The following CHRNA7 variants were observed in gnomAD, a reference collection of about 807,000 sequenced individuals.
The protein encoded by CHRNA7 is cholinergic receptor nicotinic alpha 7 subunit.
Under a neutral mutation model 48.0 loss-of-function variants are expected in CHRNA7, and 17 were observed. That is an observed-to-expected ratio of 0.35 (90% CI 0.24 to 0.53). The LOEUF is 0.53. CHRNA7 is among the 20% of genes least tolerant of loss of function. The probability of loss-of-function intolerance (pLI) is 0.92; values close to 1 mark genes in which losing one functional copy is unlikely to be tolerated. For synonymous variants in CHRNA7, 75 were observed against 242.3 expected (o/e 0.31, Z 6.41); for missense variants, 155 against 577.7 (o/e 0.27, Z 7.50).
intron 3 of CHRNA7, among the ~76,000 whole-genome samples, chr15:32,106,776 T>C (rs1048302204): frequency 3.3e-5 from 5 of 152,252 alleles, no homozygotes; most frequent in African/African-American, 1.2e-4. Context: ...CCAGCCTTCC[T>C]GGGTCCTTCT....
At chr15:32,042,303 C>A (rs1008893310) in intron 2 of CHRNA7, among the ~76,000 whole-genome samples, 9 of 152,142 alleles carry the variant, frequency 5.9e-5, no homozygotes, top group African/African-American at 2.2e-4. Flanking sequence ...TTCAGTATTT[C>A]CCTTCCCTTG....
At chr15:32,114,061 C>CATATATATATATACAT (rs2050819599) in intron 4 of CHRNA7, among the ~76,000 whole-genome samples, 1 of 120,226 alleles carries the variant, frequency 8.3e-6, no homozygotes, top group African/African-American at 3.3e-5. Flanking sequence ...TATATATATA[C>CATATATATATATACAT]ATATATATAT....
intron 4 of CHRNA7, among the ~76,000 whole-genome samples, chr15:32,114,059 T>TATATATATACAC (rs1187735599): frequency 1.3e-3 from 51 of 38,348 alleles, no homozygotes; most frequent in African/African-American, 2.8e-3. Flanking sequence ...TATATATATA[T>TATATATATACAC]ACATATATAT....
At chr15:32,052,288 CAG>C (rs2049702341) in intron 2 of CHRNA7, among the ~76,000 whole-genome samples, 1 of 151,160 alleles carries the variant, frequency 6.6e-6, no homozygotes, top group African/African-American at 2.4e-5. Context: ...GATAGCAGAA[CAG>C]AAATTCTAAG....
intron 4 of CHRNA7, among the ~76,000 whole-genome samples, chr15:32,123,421 C>T (rs1232594241): frequency 2.0e-5 from 3 of 152,182 alleles, no homozygotes; most frequent in Non-Finnish European, 4.4e-5. Flanking sequence ...GTCGATACCT[C>T]TAATGCAAGA....
intron 2 of CHRNA7, among the ~76,000 whole-genome samples, chr15:32,045,786 T>C (rs2049531734): frequency 6.6e-6 from 1 of 150,526 alleles, no homozygotes; most frequent in South Asian, 2.1e-4. Flanking sequence ...TCATTTAGCA[T>C]TAGGTATATC....
intron 4 of CHRNA7, among the ~76,000 whole-genome samples, chr15:32,145,085 C>T (rs2051459698): frequency 6.6e-6 from 1 of 152,182 alleles, no homozygotes; most frequent in African/African-American, 2.4e-5. Context: ...TGGTGACCTA[C>T]AGATGGGGTT....
At chr15:32,065,647 C>G (rs1288889735) in intron 2 of CHRNA7, among the ~76,000 whole-genome samples, 7 of 152,274 alleles carry the variant, frequency 4.6e-5, no homozygotes, top group Non-Finnish European at 1.0e-4. Flanking sequence ...GCCTTAGACT[C>G]TCACCTCTGA....
chr15:32,113,332 C>G (rs1333932031), intron 4 of CHRNA7, among the ~76,000 whole-genome samples: 1 of 152,060 alleles, frequency 6.6e-6, no homozygotes, highest in Admixed American at 6.6e-5. Flanking sequence ...TGCTCATGAC[C>G]CTCTTTTACT....
chr15:32,144,776 C>G (rs2051452707), intron 4 of CHRNA7, among the ~76,000 whole-genome samples: 1 of 152,152 alleles, frequency 6.6e-6, no homozygotes, highest in Non-Finnish European at 1.5e-5. Context: ...CAGGTCATTT[C>G]AGGTCTTCTC....
intron 2 of CHRNA7, among the ~76,000 whole-genome samples, chr15:32,085,693 A>G (rs993707268): frequency 1.3e-5 from 2 of 152,232 alleles, no homozygotes; most frequent in Non-Finnish European, 2.9e-5. Context: ...TTCTCCTTCC[A>G]GGAGGACACC....
chr15:32,096,732 C>A (rs369776515), intron 2 of CHRNA7, among the ~76,000 whole-genome samples: 4 of 151,952 alleles, frequency 2.6e-5, no homozygotes, highest in African/African-American at 4.8e-5. Context: ...TGCAGAAATG[C>A]AAGATAGCAC....
chr15:32,038,502 T>A (rs114167004), intron 2 of CHRNA7, among the ~76,000 whole-genome samples: 1,877 of 152,246 alleles, frequency 0.012, 38 homozygotes, highest in African/African-American at 0.043. Context: ...TGGTGTATAA[T>A]TCTTTTTGTA....
At chr15:32,109,069 C>T (rs1471028413) in intron 3 of CHRNA7, among the ~76,000 whole-genome samples, 1 of 152,002 alleles carries the variant, frequency 6.6e-6, no homozygotes, top group Non-Finnish European at 1.5e-5. Context: ...GAATTCAGGG[C>T]GTGAAAGTAA....
At chr15:32,134,319 C>T (rs544458499) in intron 4 of CHRNA7, among the ~76,000 whole-genome samples, 16 of 152,138 alleles carry the variant, frequency 1.1e-4, no homozygotes, top group African/African-American at 3.6e-4. Context: ...CCACCATTCC[C>T]GGCTAATTTT....
chr15:32,064,681 A>G (rs1473765585), intron 2 of CHRNA7, among the ~76,000 whole-genome samples: 3 of 152,082 alleles, frequency 2.0e-5, no homozygotes, highest in African/African-American at 4.8e-5. Context: ...AAATTTTTCT[A>G]GTATGCTACC....
At chr15:32,050,042 T>A (rs377076460) in intron 2 of CHRNA7, among the ~76,000 whole-genome samples, 2 of 152,354 alleles carry the variant, frequency 1.3e-5, no homozygotes, top group East Asian at 1.9e-4. Context: ...TTTCCCTTTG[T>A]GGGTAACCCG....
At chr15:32,065,571 A>G (rs552367438) in intron 2 of CHRNA7, among the ~76,000 whole-genome samples, 1 of 152,394 alleles carries the variant, frequency 6.6e-6, no homozygotes, top group African/African-American at 2.4e-5. Context: ...GATGTCCACA[A>G]GTTCTTTGAA....
At chr15:32,086,642 G>C (rs548056943) in intron 2 of CHRNA7, among the ~76,000 whole-genome samples, 32 of 152,288 alleles carry the variant, frequency 2.1e-4, no homozygotes, top group African/African-American at 7.5e-4. Context: ...CCATCCAGGA[G>C]TCCATGTAGC....
Sources: gnomAD v4.1 joint callset for allele counts (sites outside exome capture counted in the v4.1 genomes callset) on GRCh38, gnomAD v4.1.1 for gene constraint, MANE v1.5 for transcripts, NCBI Gene and HGNC (gene_info 2026-07-23, HGNC 2026-07-21) for gene names.